Variants in WRN observed in about 807,000 individuals in gnomAD.
WRN encodes the protein WRN RecQ like helicase.
A neutral mutation model predicts 180.7 loss-of-function variants in WRN; 149 were observed. The ratio of observed to expected loss-of-function variants is 0.82; its 90% CI spans 0.72 to 0.94. WRN has a LOEUF of 0.94. WRN is among the 40% of genes least tolerant of loss of function. WRN has a pLI of 0.00. For synonymous variants in WRN, 548 were observed against 568.9 expected (o/e 0.96, Z 0.52); for missense variants, 1,661 against 1,700.1 (o/e 0.98, Z 0.40).
At position 31,134,718 on chromosome 8, in the gene WRN, A is replaced by G. The variant is rs1257514622; in HGVS notation, c.2967+2212A>G. Among the ~76,000 whole-genome samples the G allele has an allele frequency of 2.3e-4, 35 of 152,208 alleles. 1 individual carries two copies. The highest frequency in any genetic ancestry group is 2.3e-3 in the Admixed American group (35 of 15,278). Reference sequence around the variant, plus strand: ...AATCTTGTCGTGGCACTAGAATTAGACGGTAGTTTTGATAATACATGATTT... The same window carrying G: ...AATCTTGTCGTGGCACTAGAATTAGGCGGTAGTTTTGATAATACATGATTT... On this transcript the variant is annotated intron_variant, in intron 24 of 34. Coordinates refer to ENST00000298139, the MANE Select transcript of WRN (RefSeq NM_000553.6).
intron 18 of WRN, among the ~76,000 whole-genome samples, chr8:31,106,362 A>G (rs908151277): frequency 1.3e-5 from 2 of 151,192 alleles, no homozygotes; most frequent in African/African-American, 2.4e-5. Flanking sequence ...GCTCAGAACC[A>G]TCTAGTAGCA....
At chr8:31,038,055 C>T (rs1811515060) in intron 1 of WRN, among the ~76,000 whole-genome samples, 3 of 151,954 alleles carry the variant, frequency 2.0e-5, no homozygotes, top group African/African-American at 2.4e-5. Flanking sequence ...CTGTTATTAA[C>T]ATTGGTGTAC....
intron 34 of WRN, among the ~76,000 whole-genome samples, chr8:31,169,562 T>C (rs547149381): frequency 1.1e-4 from 17 of 152,324 alleles, no homozygotes; most frequent in Admixed American, 6.5e-4. Flanking sequence ...AGCAAGTCTT[T>C]CTGGTGTCAA....
chr8:31,114,893 G>GA lies in WRN; in HGVS notation c.2274-1461_2274-1460insA, dbSNP rs764937166. Reference sequence around the variant, plus strand: ...CTTTGAAAACATGTTTTTAAAATAAGGTTTTTTTTTTTTTTTTTTTGACAT... The same window carrying GA: ...CTTTGAAAACATGTTTTTAAAATAAGAGTTTTTTTTTTTTTTTTTTTGACAT... On this transcript the variant is annotated intron_variant, in intron 19 of 34. Coordinates refer to ENST00000298139, the MANE Select transcript of WRN (RefSeq NM_000553.6). Among the ~76,000 whole-genome samples, 492 of 136,156 alleles carry GA rather than the reference G, an allele frequency of 3.6e-3. 35 individuals are homozygous for GA. Among genetic ancestry groups the GA allele is most frequent in the East Asian group, 4.2e-3 (20 of 4,732 alleles). The allele number at this position is 136,156 out of a possible 152,430, so 89.3% of individuals were successfully genotyped here.
At chr8:31,082,956 T>C (rs894938594) in intron 9 of WRN, among the ~76,000 whole-genome samples, 3 of 152,224 alleles carry the variant, frequency 2.0e-5, no homozygotes, top group Non-Finnish European at 4.4e-5. Flanking sequence ...AAAATAACTT[T>C]TTTTCCTAGT....
chr8:31,100,650 A>G (rs1286909470), intron 17 of WRN, among the ~76,000 whole-genome samples, 199 bp from the exon 18 acceptor site: 1 of 152,170 alleles, frequency 6.6e-6, no homozygotes. Flanking sequence ...TAAAATTCTT[A>G]AGGCTTTTAT....
At chr8:31,059,803 T>C (rs1172596718) in intron 3 of WRN, among the ~76,000 whole-genome samples, 2 of 152,144 alleles carry the variant, frequency 1.3e-5, no homozygotes, top group East Asian at 3.8e-4. Flanking sequence ...AGGCCTGTAA[T>C]CCCAGCACTT....
At position 31,149,465 on chromosome 8, in the gene WRN, T is replaced by TTTTTTG. The variant is rs1563381754; in HGVS notation, c.3573-871_3573-870insGTTTTT. ...TACTTTAATAGAGGTGTTTTTTTTT[T>TTTTTTG]TTTTTTTTTTTTTTTTTTTTTTTTT... On this transcript the variant is annotated intron_variant, in intron 30 of 34. Coordinates refer to ENST00000298139, the MANE Select transcript of WRN (RefSeq NM_000553.6). Among the ~76,000 whole-genome samples, 2 of 31,932 alleles carry TTTTTTG rather than the reference T, an allele frequency of 6.3e-5. 1 individual carries two copies. The allele number at this position is 31,932 out of a possible 152,430, so 20.9% of individuals were successfully genotyped here.
chr8:31,138,325 T>C (rs186820200), intron 24 of WRN, among the ~76,000 whole-genome samples: 47 of 152,288 alleles, frequency 3.1e-4, no homozygotes, highest in Admixed American at 2.7e-3. Context: ...AAAAATAAAT[T>C]ATATTATGTA....
intron 27 of WRN, 134 bp downstream of exon 27, chr8:31,142,835 G>A (rs566139294): frequency 1.3e-5 from 9 of 708,630 alleles, no homozygotes; most frequent in African/African-American, 1.1e-4. Context: ...TTCGGCCAGG[G>A]AAGTGATGTG....
chr8:31,148,749 G>A (rs1226977459), intron 30 of WRN, among the ~76,000 whole-genome samples: 3 of 152,156 alleles, frequency 2.0e-5, no homozygotes, highest in Admixed American at 2.0e-4. Flanking sequence ...GAATTCTAAA[G>A]ATGCTTCTGT....
chr8:31,164,028 A>G (rs1320687324), intron 33 of WRN, among the ~76,000 whole-genome samples: 1 of 151,948 alleles, frequency 6.6e-6, no homozygotes, highest in African/African-American at 2.4e-5. Context: ...TGTAGAGATG[A>G]GTTCTCACTA....
chr8:31,102,307 T>G (rs1800906170), intron 18 of WRN, among the ~76,000 whole-genome samples: 1 of 152,220 alleles, frequency 6.6e-6, no homozygotes, highest in African/African-American at 2.4e-5. Flanking sequence ...ATTTGTCACC[T>G]TTTGGAATTA....
intron 1 of WRN, among the ~76,000 whole-genome samples, chr8:31,056,574 A>G (rs1812283860): frequency 6.6e-6 from 1 of 152,194 alleles, no homozygotes; most frequent in East Asian, 1.9e-4. Context: ...CAGGTAGAAC[A>G]TTCTTTTTTT....
In WRN at chr8:31,174,764, CTTT is replaced by C. The variant is rs1351480336; in HGVS notation, c.*1663_*1665del. ...CCTTCTTCTTCCTCTTCCTCTTCTT[CTTT>C]CTCTCTTTCCTTCCTTCCCTTCCCT... On this transcript the variant is annotated 3_prime_UTR_variant, in exon 35 of 35. Transcript: ENST00000298139. 6.8e-6 allele frequency among the ~76,000 whole-genome samples: 1 copy of C among 146,202 alleles called. No homozygotes were observed. The highest frequency in any genetic ancestry group is 1.5e-5 in the Non-Finnish European group (1 of 65,960).
At chr8:31,140,701 T>C (rs970139721) in intron 24 of WRN, among the ~76,000 whole-genome samples, 1 of 152,224 alleles carries the variant, frequency 6.6e-6, no homozygotes, top group Non-Finnish European at 1.5e-5. Context: ...CTGTGAGTTG[T>C]TGCACTGCAC....
chr8:31,150,245 C>G (rs1803065079), intron 30 of WRN, 96 bp from the exon 31 acceptor site: 5 of 960,518 alleles, frequency 5.2e-6, no homozygotes, highest in Non-Finnish European at 8.4e-6. Flanking sequence ...TTGAGAGAAT[C>G]ATTAGGAAGC....
At chr8:31,043,673 T>G (rs1811740313) in intron 1 of WRN, among the ~76,000 whole-genome samples, 1 of 152,136 alleles carries the variant, frequency 6.6e-6, no homozygotes, top group African/African-American at 2.4e-5. Flanking sequence ...ACTTTATTAC[T>G]TACAGAAGCC....
chr8:31,143,064 C>CACACAT (rs1489579629), intron 27 of WRN, among the ~76,000 whole-genome samples: 4 of 132,722 alleles, frequency 3.0e-5, no homozygotes, highest in African/African-American at 1.1e-4. Context: ...CATTCTCTCT[C>CACACAT]TCTCTCTCTC....
Sources: allele counts gnomAD v4.1 joint callset (sites outside exome capture counted in the v4.1 genomes callset), GRCh38; gene constraint gnomAD v4.1.1; transcripts MANE v1.5; gene names NCBI Gene and HGNC (gene_info 2026-07-23, HGNC 2026-07-21).